Variants in RBPJ observed in about 807,000 individuals in gnomAD.
RBPJ encodes the protein recombination signal binding protein for immunoglobulin kappa J region.
A neutral mutation model predicts 67.8 loss-of-function variants in RBPJ; 9 were observed. That is an observed-to-expected ratio of 0.13 (90% CI 0.08 to 0.23). The LOEUF (loss-of-function observed/expected upper bound fraction) is 0.23, where lower values mean the gene tolerates loss of function less well. Among genes scored for constraint, RBPJ ranks in the 10% least tolerant of loss-of-function variants. The pLI is 1.00. For missense variants in RBPJ, 305 were observed against 595.6 expected (o/e 0.51, Z 5.08); for synonymous variants, 198 against 203.3 (o/e 0.97, Z 0.22).
chr4:26,322,277 C>T (rs1723170190), intron 1 of RBPJ: 1 of 152,170 alleles, frequency 6.6e-6, no homozygotes, highest in Non-Finnish European at 1.5e-5. Context: ...CAGATAGCCA[C>T]AATGGATATT....
At chr4:26,315,932 G>T (rs552327359), upstream of RBPJ, among the ~76,000 whole-genome samples, 11 of 151,940 alleles carry the variant, frequency 7.2e-5, no homozygotes, top group African/African-American at 2.7e-4. Context: ...GCCCCACCCC[G>T]CAGGCAGTCA....
At chr4:26,284,576 C>G (rs1161928032) in intron 1 of RBPJ, among the ~76,000 whole-genome samples, 1 of 148,850 alleles carries the variant, frequency 6.7e-6, no homozygotes, top group African/African-American at 2.5e-5. Flanking sequence ...TCAAGCGATT[C>G]TCCTACCTCA....
At chr4:26,133,977 G>A in the RBPJ span, among the ~76,000 whole-genome samples, 5 of 151,900 alleles carry the variant, frequency 3.3e-5, no homozygotes, top group Admixed American at 3.3e-4. Flanking sequence ...ACTGTCAGAG[G>A]GAGCTGCATA....
chr4:26,291,471 G>C (rs1721665588), intron 1 of RBPJ, among the ~76,000 whole-genome samples: 2 of 151,002 alleles, frequency 1.3e-5, no homozygotes, highest in South Asian at 4.2e-4. Context: ...ATTGTCATGT[G>C]GGAAATCTAT....
chr4:26,388,515 G>A (rs569752026), intron 2 of RBPJ, among the ~76,000 whole-genome samples: 3 of 152,158 alleles, frequency 2.0e-5, no homozygotes, highest in African/African-American at 7.2e-5. Flanking sequence ...TGTAAAATGG[G>A]TGGTGGGTAG....
chr4:26,339,296 G>A (rs1725241494), intron 1 of RBPJ, among the ~76,000 whole-genome samples: 1 of 152,162 alleles, frequency 6.6e-6, no homozygotes, highest in Non-Finnish European at 1.5e-5. Flanking sequence ...AAGTTTACCT[G>A]CGAGTTGGTA....
At chr4:26,199,039 T>A (rs1717885646) in intron 1 of RBPJ, among the ~76,000 whole-genome samples, 1 of 152,058 alleles carries the variant, frequency 6.6e-6, no homozygotes. Context: ...GACTTTTTCT[T>A]CTTCCCCAAC....
intron 1 of RBPJ, among the ~76,000 whole-genome samples, chr4:26,187,571 C>T (rs1717318551): frequency 6.6e-6 from 1 of 152,148 alleles, no homozygotes; most frequent in Non-Finnish European, 1.5e-5. Flanking sequence ...AATTTTAATA[C>T]ATCTCAATTA....
chr4:26,391,493 A>G (rs1026899706), intron 2 of RBPJ, among the ~76,000 whole-genome samples: 4 of 152,206 alleles, frequency 2.6e-5, no homozygotes, highest in African/African-American at 9.7e-5. Flanking sequence ...CAGTCTATAC[A>G]TAGTACCATA....
At chr4:26,139,389 G>A in the RBPJ span, among the ~76,000 whole-genome samples, 1 of 152,264 alleles carries the variant, frequency 6.6e-6, no homozygotes, top group Non-Finnish European at 1.5e-5. Context: ...TACTGGGGCA[G>A]GGAAGGGGCC....
Position 26,359,011 on chromosome 4 carries a change from T to C in RBPJ, c.21-27342T>C, listed in dbSNP as rs149524097. On this transcript the variant is annotated intron_variant, in intron 1 of 10. Transcript: ENST00000355476. ...TGCCTGAAGTCTCATAGCTAGTGAG[T>C]AGAGGATCTAGGAATCAGATCCAGA... is the stretch of plus-strand genomic sequence containing the variant. Among the ~76,000 whole-genome samples, 524 of 152,250 alleles carry C rather than the reference T, an allele frequency of 3.4e-3. 4 individuals carry two copies. Among genetic ancestry groups the C allele is most frequent in the African/African-American group, 0.012 (505 of 41,540 alleles).
At chr4:26,363,347 C>T (rs1341708411) in intron 1 of RBPJ, among the ~76,000 whole-genome samples, 2 of 152,198 alleles carry the variant, frequency 1.3e-5, no homozygotes, top group Admixed American at 1.3e-4. Flanking sequence ...ACCATATTGG[C>T]CAGGCCGGTC....
At chr4:26,171,330 C>CAGTAT (rs1168807923) in intron 1 of RBPJ, among the ~76,000 whole-genome samples, 3 of 150,710 alleles carry the variant, frequency 2.0e-5, no homozygotes, top group Non-Finnish European at 4.4e-5. Flanking sequence ...TGTCACTGTA[C>CAGTAT]AGTATACAAG....
chr4:26,398,230 A>G (rs1264936297), intron 2 of RBPJ, among the ~76,000 whole-genome samples: 1 of 152,208 alleles, frequency 6.6e-6, no homozygotes, highest in Admixed American at 6.5e-5. Context: ...GCCTGGAGGT[A>G]AAGATGACTG....
the RBPJ span, among the ~76,000 whole-genome samples, chr4:26,116,335 G>T: frequency 2.3e-3 from 356 of 152,344 alleles, 5 homozygotes; most frequent in African/African-American, 8.3e-3. Context: ...TGCCCGGTAT[G>T]CTGTGAAAAA....
chr4:26,406,189 A>G lies in RBPJ; in HGVS notation c.74A>G (p.Asn25Ser). The G allele has an allele frequency of 6.2e-7, 1 of 1,610,852 alleles. No individual in the cohort carries two copies. Residue 25 changes from asparagine to serine, a missense_variant, in exon 3 of 11, where the codon AAT becomes AGT. Coordinates refer to ENST00000355476, the MANE Select transcript of RBPJ (RefSeq NM_015874.6). ...TTTGTTTTTAGGGAAGCTATGCGAA[A>G]TTATTTAAAAGAGCGAGGGGATCAA... is the stretch of plus-strand genomic sequence containing the variant. ...PKRLTREAMR[N>S]YLKERGDQTV...
chr4:26,146,587 A>C, the RBPJ span, among the ~76,000 whole-genome samples: 1 of 152,202 alleles, frequency 6.6e-6, no homozygotes, highest in African/African-American at 2.4e-5. Context: ...CACCATTAAG[A>C]ATATGGAAAG....
the RBPJ span, among the ~76,000 whole-genome samples, chr4:26,128,457 T>C: frequency 3.9e-5 from 6 of 152,216 alleles, no homozygotes; most frequent in Admixed American, 3.9e-4. Context: ...AATTAAATTA[T>C]ATAGCCATCA....
At chr4:26,389,242 T>G (rs1731251457) in intron 2 of RBPJ, among the ~76,000 whole-genome samples, 1 of 150,134 alleles carries the variant, frequency 6.7e-6, no homozygotes, top group South Asian at 2.1e-4. Flanking sequence ...AAAAAATCAG[T>G]TAATCCTGAG....
Sources: gnomAD v4.1 joint callset for allele counts (sites outside exome capture counted in the v4.1 genomes callset) on GRCh38, gnomAD v4.1.1 for gene constraint, MANE v1.5 for transcripts, NCBI Gene and HGNC (gene_info 2026-07-23, HGNC 2026-07-21) for gene names.